Variants in SSBP2 observed in about 807,000 individuals in gnomAD.
SSBP2 encodes single-stranded DNA-binding protein 2.
Under a neutral mutation model 61.8 loss-of-function variants are expected in SSBP2, and 17 were observed. The observed-to-expected ratio is 0.28, with a 90% CI of 0.19 to 0.41. SSBP2 has a LOEUF of 0.41. Among genes scored for constraint, SSBP2 ranks in the 10% least tolerant of loss-of-function variants. The pLI, the probability that SSBP2 is intolerant of heterozygous loss-of-function variation, is 1.00. For missense variants in SSBP2, 310 were observed against 458.7 expected (o/e 0.68, Z 2.96); for synonymous variants, 139 against 141.3 (o/e 0.98, Z 0.12).
chr5:81,472,069 T>C (rs1183813543), intron 8 of SSBP2, among the ~76,000 whole-genome samples: 1 of 152,118 alleles, frequency 6.6e-6, no homozygotes, highest in Non-Finnish European at 1.5e-5. Context: ...AAAAAGTAGA[T>C]ATACAAAACA....
At chr5:81,462,440 C>T (rs2154001957) in intron 9 of SSBP2, among the ~76,000 whole-genome samples, 1 of 152,204 alleles carries the variant, frequency 6.6e-6, no homozygotes, top group East Asian at 1.9e-4. Context: ...TGTCCCTGGG[C>T]TCTATTAGGA....
At chr5:81,576,031 A>G (rs2153458727) in intron 4 of SSBP2, among the ~76,000 whole-genome samples, 1 of 152,296 alleles carries the variant, frequency 6.6e-6, no homozygotes, top group African/African-American at 2.4e-5. Context: ...TCAATTCCCC[A>G]TATGTAAAAG....
intron 1 of SSBP2, among the ~76,000 whole-genome samples, chr5:81,710,412 T>C (rs955044953): frequency 6.6e-6 from 1 of 152,104 alleles, no homozygotes; most frequent in African/African-American, 2.4e-5. Flanking sequence ...TTTGCTAGTG[T>C]TCCTCTTGGT....
chr5:81,636,491 C>A, intron 3 of SSBP2, 66 bp downstream of exon 3: 2 of 1,149,554 alleles, frequency 1.7e-6, no homozygotes, highest in South Asian at 2.0e-5. Flanking sequence ...AAATCATAAA[C>A]AGGTATAGTA....
Position 81,488,039 on chromosome 5 carries a change from A to AT in SSBP2, c.432+1210dup, listed in dbSNP as rs1273013684. On this transcript the variant is annotated intron_variant, in intron 6 of 16. Transcript: ENST00000320672. Reference sequence around the variant, plus strand: ...TATATATATATATATATATATATATATATATATATATATATATATAAATAA... The same window carrying AT: ...TATATATATATATATATATATATATATTATATATATATATATATATAAATAA... Among the ~76,000 whole-genome samples the AT allele has an allele frequency of 4.0e-4, 15 of 37,144 alleles. 2 individuals are homozygous for AT. The highest frequency in any genetic ancestry group is 6.4e-4 in the Non-Finnish European group (15 of 23,430). 24.4% of individuals were successfully genotyped at this position (37,144 alleles called of 152,430 possible).
chr5:81,503,095 C>A (rs755468246), intron 5 of SSBP2, among the ~76,000 whole-genome samples: 5 of 152,064 alleles, frequency 3.3e-5, no homozygotes, highest in African/African-American at 7.2e-5. Context: ...TAGAGAAATG[C>A]AAGTCAAAAC....
chr5:81,681,939 T>C (rs1306450327), intron 1 of SSBP2, among the ~76,000 whole-genome samples: 1 of 152,206 alleles, frequency 6.6e-6, no homozygotes, highest in East Asian at 1.9e-4. Context: ...AACACCTCTA[T>C]ACTCAAAAAT....
intron 4 of SSBP2, among the ~76,000 whole-genome samples, chr5:81,611,029 C>T (rs1213495896): frequency 6.6e-6 from 1 of 152,044 alleles, no homozygotes; most frequent in African/African-American, 2.4e-5. Flanking sequence ...AAACAGATAA[C>T]CTAGTCTTGT....
intron 4 of SSBP2, among the ~76,000 whole-genome samples, chr5:81,536,085 G>T (rs1457705864): frequency 1.3e-5 from 2 of 152,108 alleles, no homozygotes; most frequent in Non-Finnish European, 2.9e-5. Context: ...CAAAGACCCA[G>T]ATATCTCAGC....
chr5:81,675,518 C>A (rs548476499), intron 1 of SSBP2, among the ~76,000 whole-genome samples: 1 of 152,268 alleles, frequency 6.6e-6, no homozygotes, highest in Admixed American at 6.5e-5. Flanking sequence ...GATACCTAGA[C>A]AGCTTCACGA....
intron 14 of SSBP2, among the ~76,000 whole-genome samples, chr5:81,439,234 GA>G (rs956674492): frequency 6.8e-5 from 10 of 146,598 alleles, no homozygotes; most frequent in South Asian, 4.3e-4. Flanking sequence ...CTTTCCAAAA[GA>G]AAAAAAAAAT....
At chr5:81,422,727 C>T (rs954850679) in intron 16 of SSBP2, among the ~76,000 whole-genome samples, 3 of 152,112 alleles carry the variant, frequency 2.0e-5, no homozygotes, top group Non-Finnish European at 4.4e-5. Flanking sequence ...TAGACAACCT[C>T]TCCCCTTGAT....
At chr5:81,650,398 A>C in intron 1 of SSBP2, 59 bp from the exon 2 acceptor site, 3 of 1,201,338 alleles carry the variant, frequency 2.5e-6, no homozygotes, top group Non-Finnish European at 3.5e-6. Flanking sequence ...TTCTTTAAAT[A>C]ATGCACATCT....
At chr5:81,434,633 CAAAAAA>C (rs34269591) in intron 15 of SSBP2, among the ~76,000 whole-genome samples, 2 of 43,022 alleles carry the variant, frequency 4.6e-5, no homozygotes, top group Non-Finnish European at 8.2e-5. Flanking sequence ...ACTCTTGACT[CAAAAAA>C]AAAAAAAAAA....
At chr5:81,496,965 T>C (rs968801330) in intron 5 of SSBP2, among the ~76,000 whole-genome samples, 22 of 152,228 alleles carry the variant, frequency 1.4e-4, no homozygotes, top group African/African-American at 5.3e-4. Flanking sequence ...ATTTATTAAA[T>C]ACTTAATGTG....
intron 4 of SSBP2, among the ~76,000 whole-genome samples, chr5:81,604,940 T>C (rs981580908): frequency 6.6e-6 from 1 of 152,114 alleles, no homozygotes; most frequent in Admixed American, 6.6e-5. Context: ...TATTTTCCAT[T>C]GAAAATGAAA....
chr5:81,703,801 C>CT (rs1213813536), intron 1 of SSBP2, among the ~76,000 whole-genome samples: 2 of 151,828 alleles, frequency 1.3e-5, no homozygotes, highest in Admixed American at 1.3e-4. Context: ...TAATGTTTTT[C>CT]TTTTTTTTAA....
intron 3 of SSBP2, among the ~76,000 whole-genome samples, chr5:81,625,957 G>A (rs539854104): frequency 2.0e-5 from 3 of 152,300 alleles, no homozygotes; most frequent in East Asian, 1.9e-4. Flanking sequence ...AACAAGCCAC[G>A]TTGTTATAAG....
At chr5:81,542,793 T>TG (rs1771380119) in intron 4 of SSBP2, among the ~76,000 whole-genome samples, 1 of 144,096 alleles carries the variant, frequency 6.9e-6, no homozygotes, top group East Asian at 2.0e-4. Context: ...TGAAATCTGA[T>TG]GGTTTTTATA....
Sources: gnomAD v4.1 joint callset for allele counts (sites outside exome capture counted in the v4.1 genomes callset) on GRCh38, gnomAD v4.1.1 for gene constraint, MANE v1.5 for transcripts, NCBI Gene and HGNC (gene_info 2026-07-23, HGNC 2026-07-21) for gene names.